The following DOCK1 variants were observed in gnomAD, a reference collection of about 807,000 sequenced individuals.
DOCK1 encodes dedicator of cytokinesis protein 1.
A neutral mutation model predicts 262.7 loss-of-function variants in DOCK1; 138 were observed. The ratio of observed to expected loss-of-function variants is 0.53; its 90% CI spans 0.46 to 0.61. DOCK1 has a LOEUF of 0.61. DOCK1 is among the 20% of genes least tolerant of loss of function. The pLI, the probability that DOCK1 is intolerant of heterozygous loss-of-function variation, is 0.00. For missense variants in DOCK1, 1,908 were observed against 2,370.7 expected (o/e 0.80, Z 4.05); for synonymous variants, 866 against 867.4 (o/e 1.00, Z 0.03).
chr10:127,164,465 G>A (rs1244992747), intron 27 of DOCK1, among the ~76,000 whole-genome samples: 1 of 152,128 alleles, frequency 6.6e-6, no homozygotes, highest in East Asian at 1.9e-4. Context: ...TTACAGGCGT[G>A]AGCCACTGCT....
At chr10:127,354,756 G>A (rs753111777) in intron 32 of DOCK1, 29 bp downstream of exon 32, 3 of 1,613,554 alleles carry the variant, frequency 1.9e-6, no homozygotes, top group Non-Finnish European at 1.7e-6. Context: ...GGGGCATAGT[G>A]AATATCTTGC....
intron 1 of DOCK1, among the ~76,000 whole-genome samples, chr10:126,909,530 G>A (rs2031448082): frequency 6.6e-6 from 1 of 152,194 alleles, no homozygotes; most frequent in Non-Finnish European, 1.5e-5. Flanking sequence ...CTTGAGATCT[G>A]TTACTAAGTT....
At chr10:127,428,957 G>C in intron 47 of DOCK1, among the ~76,000 whole-genome samples, 1 of 105,760 alleles carries the variant, frequency 9.5e-6, no homozygotes, top group South Asian at 3.4e-4. Flanking sequence ...TTGGGGTGCT[G>C]TGTGGATTCG....
Position 127,401,084 on chromosome 10 carries a change from C to T in DOCK1, c.3928-1971C>T, listed in dbSNP as rs1307724355. On this transcript the variant is annotated intron_variant, in intron 38 of 51. Coordinates refer to ENST00000623213, the MANE Select transcript of DOCK1 (RefSeq NM_001290223.2). ...GACCACCAGCCCCACTCCTATGGCC[C>T]ACCTAGAAGCAACTCAGCTCAAGAG... is the stretch of plus-strand genomic sequence containing the variant. Among the ~76,000 whole-genome samples the T allele has an allele frequency of 2.6e-5, 4 of 152,102 alleles. No homozygotes were observed. The East Asian group carries it at 7.7e-4, about 29-fold the overall frequency.
At chr10:127,254,225 A>G (rs2059756295) in intron 28 of DOCK1, among the ~76,000 whole-genome samples, 1 of 152,154 alleles carries the variant, frequency 6.6e-6, no homozygotes, top group African/African-American at 2.4e-5. Context: ...AAATAAATCC[A>G]TCACCATCAC....
chr10:126,968,615 T>G (rs1298124173), intron 1 of DOCK1, among the ~76,000 whole-genome samples: 3 of 152,358 alleles, frequency 2.0e-5, no homozygotes, highest in African/African-American at 7.2e-5. Flanking sequence ...TATTTACCCT[T>G]GATGTGCTCA....
intron 21 of DOCK1, among the ~76,000 whole-genome samples, chr10:127,046,003 A>C (rs578030026): frequency 6.6e-6 from 1 of 151,722 alleles, no homozygotes; most frequent in Non-Finnish European, 1.5e-5. Context: ...TCCTTCTTTT[A>C]TTTATTTTCT....
chr10:127,312,468 T>A (rs2062097247), intron 29 of DOCK1, among the ~76,000 whole-genome samples: 1 of 152,120 alleles, frequency 6.6e-6, no homozygotes, highest in Non-Finnish European at 1.5e-5. Context: ...TAAGTCCCCA[T>A]GGATAGGAAA....
At chr10:127,400,670 C>T (rs185730479) in intron 38 of DOCK1, among the ~76,000 whole-genome samples, 74 of 152,312 alleles carry the variant, frequency 4.9e-4, no homozygotes, top group African/African-American at 1.7e-3. Context: ...CCGGAGAGCA[C>T]AGGTGGCTGG....
At chr10:127,065,848 C>G (rs2045834441) in intron 23 of DOCK1, among the ~76,000 whole-genome samples, 1 of 91,534 alleles carries the variant, frequency 1.1e-5, no homozygotes, top group Non-Finnish European at 2.5e-5. Flanking sequence ...GAGCAAAACT[C>G]CATCTCGAAA....
intron 1 of DOCK1, among the ~76,000 whole-genome samples, chr10:126,934,814 A>G (rs1197825133): frequency 7.4e-6 from 1 of 135,332 alleles, no homozygotes; most frequent in South Asian, 2.3e-4. Flanking sequence ...AACAATAAGG[A>G]TTATGGAAAG....
chr10:127,447,416 G>A lies in DOCK1; in HGVS notation c.5436G>A (p.Thr1812=), dbSNP rs776271316. ...MQSSLELNGM[T]GADVADVPPP... is the part of the protein sequence containing the mutation. ...CAGGCTTGGAGCTGAACGGCATGAC[G>A]GGGGCGGACGTGGCCGATGTCCCAC... The change falls in exon 51 of 52, where the codon ACG becomes ACA. Residue 1812 remains threonine (T), a synonymous_variant. Coordinates refer to ENST00000623213, the MANE Select transcript of DOCK1 (RefSeq NM_001290223.2). 33 of 1,612,648 alleles carry A rather than the reference G, an allele frequency of 2.0e-5. 1 individual carries two copies. Among genetic ancestry groups the A allele is most frequent in the South Asian group, 2.0e-4 (18 of 90,734 alleles).
Position 127,439,234 on chromosome 10 carries a change from A to G in DOCK1, c.5259+9A>G. 1 of 1,604,472 alleles carries G rather than the reference A, an allele frequency of 6.2e-7. No individual in the cohort carries two copies. The highest frequency in any genetic ancestry group is 8.5e-7 in the Non-Finnish European group (1 of 1,175,528). On this transcript the variant is annotated intron_variant, in intron 49 of 51. Transcript: ENST00000623213. Reference sequence around the variant, plus strand: ...TGATCCTTTCGGAAACGGTAACCCGACAGGGTATCTTTCCTCGCTCTGCGG... The same window carrying G: ...TGATCCTTTCGGAAACGGTAACCCGGCAGGGTATCTTTCCTCGCTCTGCGG...
chr10:127,195,489 A>G (rs558004153), intron 27 of DOCK1, among the ~76,000 whole-genome samples: 2 of 152,158 alleles, frequency 1.3e-5, no homozygotes, highest in East Asian at 3.9e-4. Context: ...CCTCTCCTCA[A>G]CGGCCGGCGT....
chr10:127,137,755 G>A lies in DOCK1; in HGVS notation c.2847+9991G>A, dbSNP rs1213225150. ...CCTGAATGGGCACCACAGTTCCCTC[G>A]ATCCTATTCATTTTGGAAAAGTATT... On this transcript the variant is annotated intron_variant, in intron 27 of 51. Transcript: ENST00000623213. 6.0e-6 allele frequency: 8 copies of A among 1,340,590 alleles called. No homozygotes were observed. The Admixed American group carries it at 1.1e-4, about 19-fold the overall frequency. 83.0% of individuals were successfully genotyped at this position (1,340,590 alleles called of 1,614,324 possible). A position where few individuals can be genotyped will look rare whatever the true frequency, so the allele number is the denominator to read the frequency against.
intron 21 of DOCK1, among the ~76,000 whole-genome samples, chr10:127,051,892 T>C (rs2044746068): frequency 6.6e-6 from 1 of 152,126 alleles, no homozygotes; most frequent in Non-Finnish European, 1.5e-5. Flanking sequence ...CCCTACCTAA[T>C]AGTTTTAAAG....
At chr10:127,325,278 T>C (rs1046251706) in intron 29 of DOCK1, among the ~76,000 whole-genome samples, 1 of 152,256 alleles carries the variant, frequency 6.6e-6, no homozygotes, top group Non-Finnish European at 1.5e-5. Flanking sequence ...GGCAAGCAAC[T>C]GACAAGCTTG....
intron 29 of DOCK1, among the ~76,000 whole-genome samples, chr10:127,306,872 T>G (rs1246220962): frequency 6.6e-6 from 1 of 152,084 alleles, no homozygotes; most frequent in Non-Finnish European, 1.5e-5. Flanking sequence ...TACCATAATC[T>G]CTCTCTCGAT....
chr10:127,016,675 A>G (rs12412026), intron 12 of DOCK1: 60,914 of 150,550 alleles, frequency 0.4, 12,516 homozygotes, highest in African/African-American at 0.48. Flanking sequence ...ATGCACACAT[A>G]CACACACACA....
Sources: gnomAD v4.1 joint callset for allele counts (sites outside exome capture counted in the v4.1 genomes callset) on GRCh38, gnomAD v4.1.1 for gene constraint, MANE v1.5 for transcripts, NCBI Gene and HGNC (gene_info 2026-07-23, HGNC 2026-07-21) for gene names.